The following EPHA6 variants were observed in gnomAD, a reference collection of about 807,000 sequenced individuals.
EPHA6 encodes the protein EPH receptor A6, also known as ephrin type-A receptor 6.
A neutral mutation model predicts 112.0 loss-of-function variants in EPHA6; 50 were observed. That is an observed-to-expected ratio of 0.45 (90% CI 0.36 to 0.56). EPHA6 has a LOEUF of 0.56. Among genes scored for constraint, EPHA6 ranks in the 20% least tolerant of loss-of-function variants. The pLI, the probability that EPHA6 is intolerant of heterozygous loss-of-function variation, is 0.00. For missense variants in EPHA6, 1,280 were observed against 1,417.4 expected (o/e 0.90, Z 1.56); for synonymous variants, 529 against 490.7 (o/e 1.08, Z -1.03).
At chr3:97,243,672 A>C (rs991985220) in intron 4 of EPHA6, among the ~76,000 whole-genome samples, 10 of 152,048 alleles carry the variant, frequency 6.6e-5, no homozygotes, top group African/African-American at 2.4e-4. Flanking sequence ...TCAAGTTTAA[A>C]AGGTGTAATT....
intron 1 of EPHA6, among the ~76,000 whole-genome samples, chr3:96,818,812 A>G (rs566451308): frequency 2.0e-5 from 3 of 152,086 alleles, no homozygotes; most frequent in South Asian, 4.1e-4. Context: ...AAGACCATTC[A>G]TTTAGAAGAA....
intron 11 of EPHA6, among the ~76,000 whole-genome samples, chr3:97,590,924 A>T (rs182813517): frequency 6.6e-6 from 1 of 152,330 alleles, no homozygotes; most frequent in African/African-American, 2.4e-5. Context: ...TGTGGGAAAC[A>T]TTGCACACAG....
intron 5 of EPHA6, among the ~76,000 whole-genome samples, chr3:97,304,789 G>A (rs2081245949): frequency 6.6e-6 from 1 of 151,784 alleles, no homozygotes; most frequent in Admixed American, 6.6e-5. Flanking sequence ...AAAAGCCCCA[G>A]AAGAAAATGT....
chr3:97,715,714 A>G (rs959631502), intron 14 of EPHA6, among the ~76,000 whole-genome samples: 2 of 152,184 alleles, frequency 1.3e-5, no homozygotes, highest in African/African-American at 4.8e-5. Flanking sequence ...CTCAGGTGTT[A>G]AATGCACCTA....
At chr3:97,342,354 A>G (rs1050183620) in intron 5 of EPHA6, among the ~76,000 whole-genome samples, 1 of 152,228 alleles carries the variant, frequency 6.6e-6, no homozygotes, top group Non-Finnish European at 1.5e-5. Context: ...TAGTAAAGAA[A>G]CAGAACACTG....
Position 97,017,981 on chromosome 3 carries a change from T to C in EPHA6, c.1114+29988T>C, listed in dbSNP as rs922325359. 2.0e-5 allele frequency among the ~76,000 whole-genome samples: 3 copies of C among 150,336 alleles called. No homozygotes were observed. In the Admixed American group the frequency reaches 2.0e-4, roughly 10 times the overall value. The stretch of plus-strand genomic sequence containing the variant: ...TGTAGGCATGCTTTACTGTTTCTTA[T>C]TCTTTTTTTTTTTGTCTCCTCTATG... On this transcript the variant is annotated intron_variant, in intron 3 of 17. Coordinates refer to ENST00000389672, the MANE Select transcript of EPHA6 (RefSeq NM_001080448.3).
chr3:97,282,825 G>A (rs923268778), intron 5 of EPHA6, among the ~76,000 whole-genome samples: 6 of 152,078 alleles, frequency 3.9e-5, no homozygotes, highest in African/African-American at 7.2e-5. Context: ...AACACACACC[G>A]GGGCCTATCA....
intron 7 of EPHA6, among the ~76,000 whole-genome samples, chr3:97,462,906 C>CT (rs2090935753): frequency 6.6e-6 from 1 of 152,110 alleles, no homozygotes; most frequent in East Asian, 1.9e-4. Flanking sequence ...GCACGTGCCT[C>CT]TTTTTTCTGT....
chr3:97,542,769 T>A (rs2092881641), intron 11 of EPHA6, among the ~76,000 whole-genome samples: 2 of 152,192 alleles, frequency 1.3e-5, no homozygotes, highest in Admixed American at 6.5e-5. Flanking sequence ...GTTTCCTGAC[T>A]TTTTAATGAT....
intron 3 of EPHA6, among the ~76,000 whole-genome samples, chr3:97,071,414 T>A (rs937760241): frequency 6.6e-6 from 1 of 151,952 alleles, no homozygotes; most frequent in African/African-American, 2.4e-5. Context: ...TACCATAGAC[T>A]GGGAAGAAAA....
At chr3:97,329,371 G>A (rs1406275332) in intron 5 of EPHA6, among the ~76,000 whole-genome samples, 5 of 150,538 alleles carry the variant, frequency 3.3e-5, no homozygotes, top group East Asian at 1.9e-4. Context: ...TTCTAGTTCT[G>A]GATCCCTGAG....
At chr3:96,887,143 G>C (rs899890539) in intron 2 of EPHA6, among the ~76,000 whole-genome samples, 4 of 151,974 alleles carry the variant, frequency 2.6e-5, no homozygotes, top group Admixed American at 6.6e-5. Context: ...GATTTGGTTG[G>C]GGGGGCGAGG....
chr3:96,958,836 T>C (rs548385382), intron 2 of EPHA6, among the ~76,000 whole-genome samples: 1 of 152,342 alleles, frequency 6.6e-6, no homozygotes, highest in African/African-American at 2.4e-5. Context: ...TGATTCTTTT[T>C]ATTGTTTAGT....
At chr3:97,304,973 T>A (rs1424273248) in intron 5 of EPHA6, among the ~76,000 whole-genome samples, 1 of 151,828 alleles carries the variant, frequency 6.6e-6, no homozygotes, top group Non-Finnish European at 1.5e-5. Context: ...TGGGAGAAAA[T>A]TTTTGCAATC....
chr3:97,130,246 A>AGTATTCTGGGTACCC (rs1304533619), intron 3 of EPHA6, among the ~76,000 whole-genome samples: 6 of 150,908 alleles, frequency 4.0e-5, no homozygotes, highest in Non-Finnish European at 7.4e-5. Context: ...CCCTTCCTAC[A>AGTATTCTGGGTACCC]TTCTCTTACC....
At position 96,913,161 on chromosome 3, in the gene EPHA6, T is replaced by TACACACACAC. The variant is rs768422240; in HGVS notation, c.450+46315_450+46324dup. 5.2e-4 allele frequency among the ~76,000 whole-genome samples: 64 copies of TACACACACAC among 123,234 alleles called. 1 individual carries two copies. Among genetic ancestry groups the TACACACACAC allele is most frequent in the African/African-American group, 1.2e-3 (38 of 32,954 alleles). The allele number at this position is 123,234 out of a possible 152,430, so 80.8% of individuals were successfully genotyped here. ...CTGGGCAACATAGTGAGACCCCGTCTACACACACACACACACACACACACA... is the reference window on the plus strand; with the variant it reads ...CTGGGCAACATAGTGAGACCCCGTCTACACACACACACACACACACACACACACACACACA... On this transcript the variant is annotated intron_variant, in intron 2 of 17. Transcript: ENST00000389672.
At chr3:96,842,329 G>T (rs556091250) in intron 1 of EPHA6, among the ~76,000 whole-genome samples, 1 of 152,146 alleles carries the variant, frequency 6.6e-6, no homozygotes, top group South Asian at 2.1e-4. Flanking sequence ...ACTAAAACAA[G>T]GATAACTGTT....
At chr3:97,634,179 A>G (rs190289419) in intron 13 of EPHA6, among the ~76,000 whole-genome samples, 19 of 152,214 alleles carry the variant, frequency 1.2e-4, no homozygotes, top group Admixed American at 1.2e-3. Flanking sequence ...CAGTTTCACC[A>G]TCTACAAGAT....
At chr3:96,864,746 A>T (rs1024709729) in intron 1 of EPHA6, among the ~76,000 whole-genome samples, 19 of 151,898 alleles carry the variant, frequency 1.3e-4, no homozygotes, top group Admixed American at 4.6e-4. Flanking sequence ...TTATAGATTT[A>T]AAAAAAACAC....
Sources: gnomAD v4.1 joint callset for allele counts (sites outside exome capture counted in the v4.1 genomes callset) on GRCh38, gnomAD v4.1.1 for gene constraint, MANE v1.5 for transcripts, NCBI Gene and HGNC (gene_info 2026-07-23, HGNC 2026-07-21) for gene names.